NRXN3: variants seen among roughly 807,000 people sequenced by gnomAD.
NRXN3 encodes the protein neurexin 3, also known as neurexin III.
A neutral mutation model predicts 137.6 loss-of-function variants in NRXN3; 32 were observed. That is an observed-to-expected ratio of 0.23 (90% CI 0.18 to 0.31). The LOEUF (loss-of-function observed/expected upper bound fraction) is 0.31. NRXN3 is among the 10% of genes least tolerant of loss of function. The pLI is 1.00. For missense variants in NRXN3, 1,574 were observed against 2,062.5 expected, an observed-to-expected ratio of 0.76 and a Z score of 4.59; for synonymous variants, 798 against 784.5, an observed-to-expected ratio of 1.02 and a Z score of -0.29.
At chr14:79,641,082 A>T (rs1374419467) in intron 16 of NRXN3, among the ~76,000 whole-genome samples, 1 of 133,618 alleles carries the variant, frequency 7.5e-6, no homozygotes, top group African/African-American at 2.5e-5. Flanking sequence ...ATCTCGGCTC[A>T]CTGTAACCTC....
At chr14:79,600,217 T>A (rs967767345) in intron 16 of NRXN3, among the ~76,000 whole-genome samples, 2 of 152,188 alleles carry the variant, frequency 1.3e-5, no homozygotes, top group African/African-American at 4.8e-5. Flanking sequence ...TGTCTACTTA[T>A]AGGAGTATGC....
chr14:79,271,239 ACTC>A (rs759444248), intron 15 of NRXN3, among the ~76,000 whole-genome samples: 11 of 151,930 alleles, frequency 7.2e-5, no homozygotes, highest in Non-Finnish European at 1.6e-4. Flanking sequence ...ACAGAGGAAA[ACTC>A]CTGGCTATGC....
At position 78,517,295 on chromosome 14, in the gene NRXN3, T is replaced by A. The variant is rs115206807; in HGVS notation, c.758-127825T>A. Among the ~76,000 whole-genome samples, 962 of 152,192 alleles carry A rather than the reference T, an allele frequency of 6.3e-3. 8 individuals carry two copies. Among genetic ancestry groups the A allele is most frequent in the African/African-American group, 0.022 (906 of 41,544 alleles). Reference sequence around the variant, plus strand: ...TGTTGATTTAAGTAATGCTGGGTGATGAGTGGTAGTGACAAGGCTCTTCTC... The same window carrying A: ...TGTTGATTTAAGTAATGCTGGGTGAAGAGTGGTAGTGACAAGGCTCTTCTC... On this transcript the variant is annotated intron_variant, in intron 4 of 20. Coordinates refer to ENST00000335750, the MANE Select transcript of NRXN3 (RefSeq NM_001330195.2).
intron 14 of NRXN3, among the ~76,000 whole-genome samples, chr14:78,986,548 G>A (rs886504119): frequency 1.3e-5 from 2 of 151,870 alleles, no homozygotes; most frequent in Admixed American, 1.3e-4. Context: ...CTTCAAAATA[G>A]GTAAATTTAC....
chr14:78,396,270 C>A (rs1480975521), intron 4 of NRXN3, among the ~76,000 whole-genome samples: 1 of 152,096 alleles, frequency 6.6e-6, no homozygotes, highest in Non-Finnish European at 1.5e-5. Context: ...CCCTTTATGA[C>A]TCTTTACCCT....
rs143174058 is a variant in NRXN3, at chr14:79,300,747, G to A, written c.3263-166474G>A. On this transcript the variant is annotated intron_variant, in intron 15 of 20. Transcript: ENST00000335750. ...GAATCAGGCTAGATTCAATGGGCAG[G>A]GAAATAGGTGACGTGTCTTAGTGGG... Among the ~76,000 whole-genome samples, 14 of 152,166 alleles carry A rather than the reference G, an allele frequency of 9.2e-5. No individual in the cohort carries two copies. The East Asian group carries it at 2.5e-3, about 27-fold the overall frequency.
intron 4 of NRXN3, among the ~76,000 whole-genome samples, chr14:78,298,182 C>A (rs1041390207): frequency 6.6e-6 from 1 of 152,216 alleles, no homozygotes; most frequent in African/African-American, 2.4e-5. Flanking sequence ...GTGAATGAAG[C>A]TAATTTCAGA....
At chr14:79,123,236 TGTGC>T (rs1397591627) in intron 15 of NRXN3, among the ~76,000 whole-genome samples, 1 of 151,878 alleles carries the variant, frequency 6.6e-6, no homozygotes, top group Non-Finnish European at 1.5e-5. Flanking sequence ...TGCGCGCGTG[TGTGC>T]GTGCGCGCAC....
At chr14:79,421,786 C>T (rs761861447) in intron 15 of NRXN3, among the ~76,000 whole-genome samples, 76 of 152,126 alleles carry the variant, frequency 5.0e-4, no homozygotes, top group Non-Finnish European at 8.4e-4. Context: ...TAATTTCTCT[C>T]AATCTTTCAA....
At chr14:79,850,295 T>G (rs973889328) in intron 20 of NRXN3, among the ~76,000 whole-genome samples, 2 of 152,110 alleles carry the variant, frequency 1.3e-5, no homozygotes, top group Non-Finnish European at 2.9e-5. Flanking sequence ...CCCTGGGAAG[T>G]TTAAAATATA....
rs372369552 is a variant in NRXN3, at chr14:78,862,431, G to T, written c.2275+52087G>T. On this transcript the variant is annotated intron_variant, in intron 10 of 20. Transcript: ENST00000335750. ...AAGGGAGCAGTAAATTTAGCTTAAG[G>T]TTAGTAAAATGTTCAGTACCAGCAG... Among the ~76,000 whole-genome samples the T allele has an allele frequency of 9.9e-5, 15 of 152,052 alleles. No individual in the cohort carries two copies. In the South Asian group the frequency reaches 2.7e-3, roughly 27 times the overall value.
intron 4 of NRXN3, among the ~76,000 whole-genome samples, chr14:78,460,810 ATT>A (rs11318025): frequency 6.6e-6 from 1 of 151,308 alleles, no homozygotes. Context: ...TGATATTGGG[ATT>A]TTTTTTTTCT....
chr14:78,935,480 C>T (rs765066517), intron 10 of NRXN3, among the ~76,000 whole-genome samples: 3 of 152,120 alleles, frequency 2.0e-5, no homozygotes, highest in East Asian at 1.9e-4. Context: ...TGCATGTAAC[C>T]TATGCCCACC....
At chr14:79,076,326 T>C (rs559643690) in intron 15 of NRXN3, among the ~76,000 whole-genome samples, 1 of 152,332 alleles carries the variant, frequency 6.6e-6, no homozygotes, top group African/African-American at 2.4e-5. Context: ...CATTACCTCC[T>C]AATTTTTGCA....
At chr14:78,846,889 G>A (rs1303051724) in intron 10 of NRXN3, among the ~76,000 whole-genome samples, 1 of 152,030 alleles carries the variant, frequency 6.6e-6, no homozygotes, top group Non-Finnish European at 1.5e-5. Context: ...GAAACACTGT[G>A]CCTAGTTTCT....
chr14:79,805,581 T>C (rs1329383140), intron 20 of NRXN3, among the ~76,000 whole-genome samples: 1 of 152,088 alleles, frequency 6.6e-6, no homozygotes, highest in South Asian at 2.1e-4. Context: ...CAAGAAAGGA[T>C]GAACCCATGG....
intron 15 of NRXN3, among the ~76,000 whole-genome samples, chr14:79,411,031 A>G (rs1286446878): frequency 6.6e-6 from 1 of 152,008 alleles, no homozygotes; most frequent in Non-Finnish European, 1.5e-5. Context: ...TGGTTCTCTA[A>G]CCCCATAGTT....
chr14:78,651,868 A>G (rs2097748201), intron 6 of NRXN3, among the ~76,000 whole-genome samples: 1 of 152,144 alleles, frequency 6.6e-6, no homozygotes, highest in Admixed American at 6.5e-5. Flanking sequence ...GGGAGCTACA[A>G]TTCAAGATGA....
At chr14:79,123,809 G>A (rs1048258245) in intron 15 of NRXN3, among the ~76,000 whole-genome samples, 1 of 152,240 alleles carries the variant, frequency 6.6e-6, no homozygotes, top group Non-Finnish European at 1.5e-5. Flanking sequence ...AGCAGAGCAG[G>A]CCAGGTAAGC....
Sources: gnomAD v4.1 joint callset for allele counts (sites outside exome capture counted in the v4.1 genomes callset) on GRCh38, gnomAD v4.1.1 for gene constraint, MANE v1.5 for transcripts, NCBI Gene and HGNC (gene_info 2026-07-23, HGNC 2026-07-21) for gene names.